UPF1: variants seen among roughly 807,000 people sequenced by gnomAD.
UPF1 encodes the protein regulator of nonsense transcripts 1.
UPF1 carries 9 observed loss-of-function variants against 129.2 expected under a neutral mutation model. That is an observed-to-expected ratio of 0.07 (90% confidence interval 0.04 to 0.12). UPF1 has a LOEUF of 0.12. UPF1 is among the 10% of genes least tolerant of loss of function. UPF1 has a pLI of 1.00. For missense variants in UPF1, 788 were observed against 1,525.3 expected (o/e 0.52, Z 8.05); for synonymous variants, 649 against 644.9 (o/e 1.01, Z -0.10).
chr19:18,846,983 G>A (rs991905989), intron 2 of UPF1, among the ~76,000 whole-genome samples: 1 of 152,240 alleles, frequency 6.6e-6, no homozygotes, highest in Non-Finnish European at 1.5e-5. Context: ...GACAGTCACG[G>A]CAGGTTTGGG....
intron 15 of UPF1, among the ~76,000 whole-genome samples, chr19:18,858,259 A>G (rs1182820658): frequency 6.6e-6 from 1 of 152,246 alleles, no homozygotes; most frequent in Non-Finnish European, 1.5e-5. Flanking sequence ...ACTAGTGGCA[A>G]CATCTGTTAC....
chr19:18,854,200 C>T (rs1189856680), intron 8 of UPF1, among the ~76,000 whole-genome samples: 13 of 152,200 alleles, frequency 8.5e-5, no homozygotes, highest in African/African-American at 3.1e-4. Context: ...CTGGGTTCTG[C>T]GAGCTCTGCC....
chr19:18,865,661 C>T lies in UPF1; in HGVS notation c.3120C>T (p.Ala1040=), dbSNP rs1386858712. Residue 1040 remains alanine, a synonymous_variant, in exon 22 of 24, where the codon GCC becomes GCT. Coordinates refer to ENST00000262803, the MANE Select transcript of UPF1 (RefSeq NM_002911.4). The surrounding 1 kb of genome is among the most constrained non-coding windows in gnomAD (Gnocchi z 6.1). Reference sequence around the variant, plus strand: ...AGACTAACCTCCCCAACAGCCAAGCCAGCCAGGATGTGGCGTCACAGCCCT... The same window carrying T: ...AGACTAACCTCCCCAACAGCCAAGCTAGCCAGGATGTGGCGTCACAGCCCT... The part of the protein sequence containing the change: ...PSQTNLPNSQ[A]SQDVASQPFS... 6.2e-7 allele frequency: 1 copy of T among 1,613,830 alleles called. No homozygotes were observed. The highest frequency in any genetic ancestry group is 2.2e-5 in the East Asian group (1 of 44,888).
intron 15 of UPF1, chr19:18,860,089 C>T: frequency 1.8e-6 from 1 of 542,048 alleles, no homozygotes; most frequent in Non-Finnish European, 3.3e-6. Flanking sequence ...AGGGGCTGAG[C>T]CAGCTCTGTG....
In UPF1 at chr19:18,867,502, T is replaced by C. The variant is rs568624875; in HGVS notation, c.*985T>C. 3.9e-5 allele frequency: 6 copies of C among 152,550 alleles called. No individual in the cohort carries two copies. Among genetic ancestry groups the C allele is most frequent in the African/African-American group, 1.4e-4 (6 of 41,570 alleles). 9.4% of individuals were successfully genotyped at this position (152,550 alleles called of 1,614,324 possible). ...TTGACGGCTTTTTCCCGGGGGCCTTTGGAAGATTTGGTGGAAGGACAAGAG... is the reference window on the plus strand; with the variant it reads ...TTGACGGCTTTTTCCCGGGGGCCTTCGGAAGATTTGGTGGAAGGACAAGAG... On this transcript the variant is annotated 3_prime_UTR_variant, in exon 24 of 24. Transcript: ENST00000262803.
chr19:18,851,653 G>A lies in UPF1; in HGVS notation c.811-482G>A, dbSNP rs2055659884. Among the ~76,000 whole-genome samples, 1 of 152,230 alleles carries A rather than the reference G, an allele frequency of 6.6e-6. No individual in the cohort carries two copies. The highest frequency in any genetic ancestry group is 2.1e-4 in the South Asian group (1 of 4,828). ...AGGGGAAGAGCTGCGGGCCCATGTTGGTCTGGCTCAGGGTTAGCAGACGTG... is the reference window on the plus strand; with the variant it reads ...AGGGGAAGAGCTGCGGGCCCATGTTAGTCTGGCTCAGGGTTAGCAGACGTG... On this transcript the variant is annotated intron_variant, in intron 5 of 23. Transcript: ENST00000262803. The surrounding 1 kb of genome is among the most constrained non-coding windows in gnomAD (Gnocchi z 4.2).
Position 18,850,910 on chromosome 19 carries a change from T to G in UPF1, c.810+42T>G. ...GGCCGACCCGTGCCTTCGTGTGGTT[T>G]CTGGTTGCGGGGAGGGGAGTGTCTT... On this transcript the variant is annotated intron_variant, in intron 5 of 23. Transcript: ENST00000262803. This position sits in a 1 kb window ranked among gnomAD's most constrained non-coding sequence, Gnocchi z 7.1. The G allele has an allele frequency of 6.7e-7, 1 of 1,489,162 alleles. No homozygotes were observed. The highest frequency in any genetic ancestry group is 9.0e-7 in the Non-Finnish European group (1 of 1,114,310). 92.2% of individuals were successfully genotyped at this position (1,489,162 alleles called of 1,614,324 possible). A position where few individuals can be genotyped will look rare whatever the true frequency, so the allele number is the denominator to read the frequency against.
intron 1 of UPF1, among the ~76,000 whole-genome samples, chr19:18,839,029 C>G (rs1364780638): frequency 6.6e-6 from 1 of 152,142 alleles, no homozygotes; most frequent in African/African-American, 2.4e-5. Context: ...CAAAAGCTTA[C>G]CACCATCAGC....
Position 18,832,162 on chromosome 19 carries a change from G to C in UPF1, c.-48G>C. On this transcript the variant is annotated 5_prime_UTR_variant, in exon 1 of 24. Transcript: ENST00000262803. This position sits in a 1 kb window ranked among gnomAD's most constrained non-coding sequence, Gnocchi z 5.6. ...GGCCTAGGCCTCAGCGCGGCGGCGG[G>C]CTCGAGTGCAGCGCGGAACCGGCCC... The C allele has an allele frequency of 6.7e-7, 1 of 1,481,932 alleles. No individual in the cohort carries two copies. Among genetic ancestry groups the C allele is most frequent in the Non-Finnish European group, 9.0e-7 (1 of 1,109,474 alleles). The allele number at this position is 1,481,932 out of a possible 1,614,324, so 91.8% of individuals were successfully genotyped here. A position where few individuals can be genotyped will look rare whatever the true frequency, so the allele number is the denominator to read the frequency against.
chr19:18,853,373 G>T lies in UPF1; in HGVS notation c.1156+23G>T, dbSNP rs375179021. 7.6e-4 allele frequency: 1,193 copies of T among 1,576,772 alleles called. 17 individuals are homozygous for T. In the South Asian group the frequency reaches 0.013, roughly 17 times the overall value. ...ATAGTATCCTTCATGTGAAGAGGGT[G>T]TGGCCGGCTGGTGGGAGAGGAAAGT... is the stretch of plus-strand genomic sequence containing the variant. On this transcript the variant is annotated intron_variant, in intron 8 of 23. Transcript: ENST00000262803. This position sits in a 1 kb window ranked among gnomAD's most constrained non-coding sequence, Gnocchi z 4.4.
rs577041325 is a variant in UPF1, at chr19:18,842,237, A to G, written c.232-3743A>G. ...TAAAGAGACATCACAAATCACGTGC[A>G]GTCATTAACTGGGACTTGGATTCTT... On this transcript the variant is annotated intron_variant, in intron 1 of 23. Transcript: ENST00000262803. 7.2e-5 allele frequency among the ~76,000 whole-genome samples: 11 copies of G among 152,366 alleles called. No homozygotes were observed. The East Asian group carries it at 1.9e-3, about 27-fold the overall frequency.
rs1238121929 is a variant in UPF1 at position 18,853,855 on chromosome 19, T to C, written c.1156+505T>C. ...GGGCAGCTGTAAGGCACAGGTGCAG[T>C]CAGAGGCTTGGGTGGGGAGGAGTCC... On this transcript the variant is annotated intron_variant, in intron 8 of 23. Coordinates refer to ENST00000262803, the MANE Select transcript of UPF1 (RefSeq NM_002911.4). The surrounding 1 kb of genome is among the most constrained non-coding windows in gnomAD (Gnocchi z 4.4). Among the ~76,000 whole-genome samples, 1 of 152,106 alleles carries C rather than the reference T, an allele frequency of 6.6e-6. No individual in the cohort carries two copies. The highest frequency in any genetic ancestry group is 6.5e-5 in the Admixed American group (1 of 15,272).
chr19:18,838,741 A>G (rs538100264), intron 1 of UPF1, among the ~76,000 whole-genome samples: 1 of 152,254 alleles, frequency 6.6e-6, no homozygotes, highest in East Asian at 1.9e-4. Flanking sequence ...TGGAGATAAG[A>G]TGCCGTTTAC....
In UPF1 at chr19:18,856,295, C is replaced by T; in HGVS notation, c.1819C>T (p.Leu607=). 2 of 1,591,930 alleles carry T rather than the reference C, an allele frequency of 1.3e-6. No individual in the cohort carries two copies. The highest frequency in any genetic ancestry group is 1.7e-6 in the Non-Finnish European group (2 of 1,161,912). Reference sequence around the variant, plus strand: ...GAAGCGCACCGCAGAGAGAGAGCTGCTGATGGTGAGTGCCCCTCCTGCCTG... The same window carrying T: ...GAAGCGCACCGCAGAGAGAGAGCTGTTGATGGTGAGTGCCCCTCCTGCCTG... ...ALKRTAEREL[L]MNADVICCTC... The change falls in exon 13 of 24, where the codon CTG becomes TTG. Residue 607 remains leucine, a synonymous_variant. Coordinates refer to ENST00000262803, the MANE Select transcript of UPF1 (RefSeq NM_002911.4).
At position 18,865,825 on chromosome 19, in the gene UPF1, A is replaced by C. The variant is rs372984189; in HGVS notation, c.3237+47A>C. ...GACTTACCTGAGTGAGGGTGGGGCT[A>C]TGCACCTGAAACATTCCCTCTGAAG... On this transcript the variant is annotated intron_variant, in intron 22 of 23. Transcript: ENST00000262803. This position sits in a 1 kb window ranked among gnomAD's most constrained non-coding sequence, Gnocchi z 6.1. 1.1e-5 allele frequency: 18 copies of C among 1,606,568 alleles called. No homozygotes were observed. The highest frequency in any genetic ancestry group is 1.5e-5 in the Non-Finnish European group (18 of 1,178,270).
chr19:18,832,380 C>G lies in UPF1; in HGVS notation c.171C>G (p.Gly57=). The G allele has an allele frequency of 8.3e-7, 1 of 1,198,948 alleles. No individual in the cohort carries two copies. The highest frequency in any genetic ancestry group is 3.7e-5 in the Admixed American group (1 of 27,194). The allele number at this position is 1,198,948 out of a possible 1,614,324, so 74.3% of individuals were successfully genotyped here. A position where few individuals can be genotyped will look rare whatever the true frequency, so the allele number is the denominator to read the frequency against. Residue 57 remains glycine, a synonymous_variant, in exon 1 of 24, where the codon GGC becomes GGG. Coordinates refer to ENST00000262803, the MANE Select transcript of UPF1 (RefSeq NM_002911.4). This position sits in a 1 kb window ranked among gnomAD's most constrained non-coding sequence, Gnocchi z 5.6. Reference sequence around the variant, plus strand: ...GCGGCCCCGGCGGCCCGGGCGGTGGCGGCGCGGGAGGCCCGGGCGGCGCGG... The same window carrying G: ...GCGGCCCCGGCGGCCCGGGCGGTGGGGGCGCGGGAGGCCCGGGCGGCGCGG... ...PPGGPGGPGG[G]GAGGPGGAGA... is the part of the protein sequence containing the mutation.
At chr19:18,861,011 C>T (rs1378117316) in intron 17 of UPF1, 29 bp downstream of exon 17, 1 of 1,551,102 alleles carries the variant, frequency 6.4e-7, no homozygotes, top group Admixed American at 1.9e-5. Context: ...CACACTTGGT[C>T]TCCTGGGCCA....
chr19:18,844,073 G>T (rs1411041765), intron 1 of UPF1, among the ~76,000 whole-genome samples: 1 of 152,110 alleles, frequency 6.6e-6, no homozygotes, highest in Non-Finnish European at 1.5e-5. Flanking sequence ...CTGATGCACG[G>T]TCTGAGTTCT....
At chr19:18,842,482 C>G (rs1311351863) in intron 1 of UPF1, among the ~76,000 whole-genome samples, 2 of 151,850 alleles carry the variant, frequency 1.3e-5, no homozygotes, top group Non-Finnish European at 2.9e-5. Flanking sequence ...GAGTGTCCAG[C>G]TGGAGGGGTG....
Sources: allele counts gnomAD v4.1 joint callset (sites outside exome capture counted in the v4.1 genomes callset), GRCh38; gene constraint gnomAD v4.1.1; non-coding constraint Gnocchi (gnomAD v3.1); transcripts MANE v1.5; gene names NCBI Gene and HGNC (gene_info 2026-07-23, HGNC 2026-07-21).